AGO2: variants seen among roughly 807,000 people sequenced by gnomAD.
The protein encoded by AGO2 is protein argonaute-2.
A neutral mutation model predicts 102.3 loss-of-function variants in AGO2; 5 were observed. The observed-to-expected ratio is 0.05, with a 90% CI of 0.03 to 0.10. The LOEUF (loss-of-function observed/expected upper bound fraction) is 0.10, where lower values mean the gene tolerates loss of function less well. AGO2 is among the 10% of genes least tolerant of loss of function. The probability of loss-of-function intolerance (pLI) is 1.00; values close to 1 mark genes in which losing one functional copy is unlikely to be tolerated. For synonymous variants in AGO2, 449 were observed against 473.1 expected, an observed-to-expected ratio of 0.95 and a Z score of 0.66; for missense variants, 541 against 1,183.7, an observed-to-expected ratio of 0.46 and a Z score of 7.97.
chr8:140,545,215 A>G (rs543783671), intron 13 of AGO2, among the ~76,000 whole-genome samples: 1 of 151,954 alleles, frequency 6.6e-6, no homozygotes, highest in South Asian at 2.1e-4. Context: ...CGAACCCATC[A>G]CTGCTTGCGC....
chr8:140,589,707 C>T lies in AGO2; in HGVS notation c.23-4396G>A, dbSNP rs2073719153. Among the ~76,000 whole-genome samples, 1 of 152,122 alleles carries T rather than the reference C, an allele frequency of 6.6e-6. No individual in the cohort carries two copies. The highest frequency in any genetic ancestry group is 6.5e-5 in the Admixed American group (1 of 15,284). ...AAACACTTCTGTGCCATACCCTGGGCCAAGCCAGGTGCAGATATGGTCTCT... is the reference window on the plus strand; with the variant it reads ...AAACACTTCTGTGCCATACCCTGGGTCAAGCCAGGTGCAGATATGGTCTCT... On this transcript the variant is annotated intron_variant, in intron 1 of 18. Coordinates refer to ENST00000220592, the MANE Select transcript of AGO2 (RefSeq NM_012154.5). This position sits in a 1 kb window ranked among gnomAD's most constrained non-coding sequence, Gnocchi z 4.2.
intron 1 of AGO2, 38 bp from the exon 2 acceptor site, chr8:140,585,349 A>G (rs752080902): frequency 1.2e-6 from 2 of 1,600,156 alleles, no homozygotes; most frequent in African/African-American, 1.3e-5. Flanking sequence ...ACGGGGGAGC[A>G]GGCTTGCTCT....
At chr8:140,542,622 T>C (rs576115835) in intron 14 of AGO2, among the ~76,000 whole-genome samples, 3 of 149,252 alleles carry the variant, frequency 2.0e-5, no homozygotes, top group African/African-American at 7.4e-5. Flanking sequence ...CAAGATATAG[T>C]TGAATGCTTC....
chr8:140,527,700 AGTTTCT>A lies in AGO2; in HGVS notation c.*4338_*4343del, dbSNP rs2072528895. The A allele has an allele frequency of 6.6e-6, 1 of 152,256 alleles. No individual in the cohort carries two copies. Among genetic ancestry groups the A allele is most frequent in the Admixed American group, 6.5e-5 (1 of 15,270 alleles). The allele number at this position is 152,256 out of a possible 1,614,324, so 9.4% of individuals were successfully genotyped here. On this transcript the variant is annotated 3_prime_UTR_variant, in exon 19 of 19. Coordinates refer to ENST00000220592, the MANE Select transcript of AGO2 (RefSeq NM_012154.5). This position sits in a 1 kb window ranked among gnomAD's most constrained non-coding sequence, Gnocchi z 6.0. ...AAGTGAGGCGCATGAGCACTGAGGA[AGTTTCT>A]GTTTCTATTTATTGTACATTCCTTT... is the stretch of plus-strand genomic sequence containing the variant.
intron 12 of AGO2, 77 bp downstream of exon 12, chr8:140,549,037 A>G: frequency 6.7e-7 from 1 of 1,491,668 alleles, no homozygotes; most frequent in South Asian, 1.3e-5. Flanking sequence ...GCAGAAACAC[A>G]GAGGGGCTTA....
upstream of AGO2, chr8:140,637,313 C>T (rs1260431036): frequency 6.6e-6 from 1 of 152,266 alleles, no homozygotes; most frequent in Admixed American, 6.5e-5. Context: ...CTTCACATAT[C>T]CCCAAAACTC....
Position 140,572,920 on chromosome 8 carries a change from T to C in AGO2, c.228A>G (p.Glu76=), listed in dbSNP as rs2073405527. 9.3e-6 allele frequency: 15 copies of C among 1,608,320 alleles called. No individual in the cohort carries two copies. Among genetic ancestry groups the C allele is most frequent in the Admixed American group, 1.7e-5 (1 of 58,730 alleles). The change falls in exon 3 of 19, where the codon GAA becomes GAG. Residue 76 remains glutamate (E), a synonymous_variant. Transcript: ENST00000220592. ...GTGTTTTAAAGTGCTGGACCATGTGTTCCACGATTTCCCTGAAACAAAGAC... is the reference window on the plus strand; with the variant it reads ...GTGTTTTAAAGTGCTGGACCATGTGCTCCACGATTTCCCTGAAACAAAGAC... ...CPRRVNREIV[E]HMVQHFKTQI... is the part of the protein sequence containing the mutation.
intron 1 of AGO2, among the ~76,000 whole-genome samples, chr8:140,632,973 C>A (rs1298625648): frequency 6.6e-6 from 1 of 150,720 alleles, no homozygotes; most frequent in Non-Finnish European, 1.5e-5. Context: ...AGTGCAGTGG[C>A]GCAATCTTGG....
At chr8:140,586,672 C>T (rs1384712927) in intron 1 of AGO2, among the ~76,000 whole-genome samples, 2 of 152,158 alleles carry the variant, frequency 1.3e-5, no homozygotes, top group East Asian at 3.9e-4. Flanking sequence ...CATCACAGTC[C>T]AGGTGGGTTC....
intron 14 of AGO2, among the ~76,000 whole-genome samples, chr8:140,542,149 G>A (rs541484763): frequency 2.0e-5 from 3 of 152,272 alleles, no homozygotes; most frequent in East Asian, 1.9e-4. Flanking sequence ...GTTCTCTGTC[G>A]GGGGCCAAGG....
intron 1 of AGO2, among the ~76,000 whole-genome samples, chr8:140,622,186 A>G (rs1588513610): frequency 6.6e-6 from 1 of 152,258 alleles, no homozygotes; most frequent in East Asian, 1.9e-4. Context: ...GAACAGGTCA[A>G]TCCAGTGAGA....
intron 14 of AGO2, chr8:140,541,586 T>C (rs969875072): frequency 2.7e-5 from 13 of 474,896 alleles, no homozygotes; most frequent in Admixed American, 2.0e-4. Context: ...CCAAGTTACA[T>C]AGTTTAAACA....
intron 12 of AGO2, among the ~76,000 whole-genome samples, chr8:140,548,472 C>T (rs919734016): frequency 6.6e-6 from 1 of 152,130 alleles, no homozygotes; most frequent in African/African-American, 2.4e-5. Context: ...TCCACGGACC[C>T]ACCCCCCGCT....
intron 3 of AGO2, among the ~76,000 whole-genome samples, chr8:140,565,350 A>C (rs1303168998): frequency 2.0e-5 from 3 of 151,456 alleles, no homozygotes; most frequent in African/African-American, 4.9e-5. Flanking sequence ...GAGGCAGGAG[A>C]ATGGCATGAA....
chr8:140,639,900 CTGG>C (rs1307569666), upstream of AGO2, among the ~76,000 whole-genome samples: 1 of 152,206 alleles, frequency 6.6e-6, no homozygotes, highest in Admixed American at 6.5e-5. Context: ...GTTCCCTTGA[CTGG>C]TGAGCGTGTC....
intron 1 of AGO2, among the ~76,000 whole-genome samples, chr8:140,596,970 AC>A (rs1173219604): frequency 6.6e-6 from 1 of 152,188 alleles, no homozygotes; most frequent in African/African-American, 2.4e-5. Context: ...CAAGGTGCAG[AC>A]AGGCACCCTG....
intron 13 of AGO2, among the ~76,000 whole-genome samples, chr8:140,547,008 T>G (rs2072912637): frequency 6.6e-6 from 1 of 152,152 alleles, no homozygotes; most frequent in Non-Finnish European, 1.5e-5. Context: ...ACATATCCTG[T>G]CCTGGCCTGG....
intron 4 of AGO2, among the ~76,000 whole-genome samples, chr8:140,560,817 C>T (rs1046139992): frequency 1.3e-5 from 2 of 152,238 alleles, no homozygotes; most frequent in Admixed American, 1.3e-4. Context: ...GACTCCCTGT[C>T]CTGGCTTTGC....
intron 10 of AGO2, 122 bp from the exon 11 acceptor site, chr8:140,551,558 T>C (rs1160211615): frequency 4.3e-6 from 5 of 1,170,978 alleles, no homozygotes; most frequent in Non-Finnish European, 5.6e-6. Context: ...GAAAGAACTT[T>C]TGTGTTGTCT....
Sources: gnomAD v4.1 joint callset for allele counts (sites outside exome capture counted in the v4.1 genomes callset) on GRCh38, gnomAD v4.1.1 for gene constraint, Gnocchi (gnomAD v3.1) non-coding constraint, MANE v1.5 for transcripts, NCBI Gene and HGNC (gene_info 2026-07-23, HGNC 2026-07-21) for gene names.